EDARADD: variants seen among roughly 807,000 people sequenced by gnomAD.
EDARADD encodes EDAR associated via death domain.
Under a neutral mutation model 25.6 loss-of-function variants are expected in EDARADD, and 20 were observed. The observed-to-expected ratio is 0.78, with a 90% CI of 0.55 to 1.14. The LOEUF (loss-of-function observed/expected upper bound fraction) is 1.14. Among genes scored for constraint, EDARADD ranks in the 50% most tolerant of loss-of-function variants. The pLI is 0.00. For missense variants in EDARADD, 225 were observed against 270.1 expected, an observed-to-expected ratio of 0.83 and a Z score of 1.17; for synonymous variants, 86 against 94.4, an observed-to-expected ratio of 0.91 and a Z score of 0.52.
intron 4 of EDARADD, among the ~76,000 whole-genome samples, chr1:236,463,859 T>C (rs1365401841): frequency 6.6e-6 from 1 of 152,172 alleles, no homozygotes; most frequent in African/African-American, 2.4e-5. Context: ...AAATGGTGTC[T>C]TTTCATCATC....
intron 3 of EDARADD, among the ~76,000 whole-genome samples, chr1:236,368,972 A>T (rs879403381): frequency 1.1e-4 from 17 of 151,874 alleles, no homozygotes; most frequent in Non-Finnish European, 7.4e-5. Flanking sequence ...TTTAAAACAA[A>T]TTTTTAGAGA....
Position 236,405,815 on chromosome 1 carries a change from T to TC in EDARADD, c.62-3399dup, listed in dbSNP as rs1558112611. Among the ~76,000 whole-genome samples the TC allele has an allele frequency of 2.8e-4, 39 of 138,672 alleles. 1 individual carries two copies. The highest frequency in any genetic ancestry group is 1.1e-3 in the African/African-American group (36 of 33,914). 91.0% of individuals were successfully genotyped at this position (138,672 alleles called of 152,430 possible). A position where few individuals can be genotyped will look rare whatever the true frequency, so the allele number is the denominator to read the frequency against. ...TTTTCTTTTTCTTTCTTTCTTTCCT[T>TC]CCTTCCTTTCCTTCCTTCCTTCCTT... On this transcript the variant is annotated intron_variant, in intron 1 of 5. Transcript: ENST00000334232.
At chr1:236,464,980 T>G (rs1359298086) in intron 4 of EDARADD, among the ~76,000 whole-genome samples, 1 of 152,150 alleles carries the variant, frequency 6.6e-6, no homozygotes, top group Non-Finnish European at 1.5e-5. Context: ...CCTGGGGGCA[T>G]CTCAAGCTTG....
At position 236,414,146 on chromosome 1, in the gene EDARADD, A is replaced by G. The variant is rs1338443864; in HGVS notation, c.121-114A>G. 21 of 884,048 alleles carry G rather than the reference A, an allele frequency of 2.4e-5. No individual in the cohort carries two copies. In the East Asian group the frequency reaches 4.6e-4, roughly 19 times the overall value. The allele number at this position is 884,048 out of a possible 1,614,324, so 54.8% of individuals were successfully genotyped here. A position where few individuals can be genotyped will look rare whatever the true frequency, so the allele number is the denominator to read the frequency against. ...AAGGCCAGTTGATAAGTTTGAGGTT[A>G]AACATTTTCAAGTTTTTAATTGAAG... is the stretch of plus-strand genomic sequence containing the variant. On this transcript the variant is annotated intron_variant, in intron 2 of 5. Coordinates refer to ENST00000334232, the MANE Select transcript of EDARADD (RefSeq NM_145861.4).
intron 1 of EDARADD, among the ~76,000 whole-genome samples, chr1:236,394,834 C>G (rs1667485139): frequency 6.6e-6 from 1 of 152,146 alleles, no homozygotes; most frequent in Non-Finnish European, 1.5e-5. Flanking sequence ...TATAAAACCC[C>G]ACTTAAGCGT....
upstream of EDARADD, among the ~76,000 whole-genome samples, chr1:236,389,613 C>A (rs1352432001): frequency 6.6e-6 from 1 of 152,156 alleles, no homozygotes; most frequent in Non-Finnish European, 1.5e-5. Flanking sequence ...GCTTCTGTCC[C>A]TCTGTTGACA....
rs760445293 is a variant in EDARADD, at chr1:236,414,270, A to G, written c.131A>G (p.Tyr44Cys). Residue 44 changes from tyrosine (Y) to cysteine (C), a missense_variant, in exon 3 of 6, where the codon TAT becomes TGT. Transcript: ENST00000334232. The part of the protein sequence containing the change: ...STLSFNMSDK[Y>C]PIQDTELPKA... ...TGTTGGTTTCTACAGTCAGACAAAT[A>G]TCCCATTCAAGATACGGAACTCCCT... 3.1e-6 allele frequency: 5 copies of G among 1,610,610 alleles called. No homozygotes were observed. The Admixed American group carries it at 8.3e-5, about 27-fold the overall frequency.
chr1:236,437,032 T>C (rs1571934159), intron 4 of EDARADD, among the ~76,000 whole-genome samples: 1 of 152,216 alleles, frequency 6.6e-6, no homozygotes, highest in Non-Finnish European at 1.5e-5. Context: ...GGTCTCCAGA[T>C]ACAATGGTGA....
chr1:236,441,443 A>G (rs1313111103), intron 4 of EDARADD, among the ~76,000 whole-genome samples: 1 of 145,830 alleles, frequency 6.9e-6, no homozygotes, highest in Non-Finnish European at 1.5e-5. Flanking sequence ...TCTTCCAGGA[A>G]AGAAGTAAAA....
chr1:236,357,088 T>A (rs1490316072), intron 3 of EDARADD, among the ~76,000 whole-genome samples: 500 of 145,264 alleles, frequency 3.4e-3, no homozygotes, highest in African/African-American at 4.5e-3. Context: ...CTGTCTCAAA[T>A]AAAAAATAAA....
chr1:236,463,718 C>T (rs953697001), intron 4 of EDARADD, among the ~76,000 whole-genome samples: 9 of 152,300 alleles, frequency 5.9e-5, no homozygotes, highest in South Asian at 2.1e-4. Context: ...ACCCATTGAA[C>T]GGTAACTCCC....
intron 4 of EDARADD, among the ~76,000 whole-genome samples, chr1:236,452,006 A>G (rs1256303073): frequency 2.6e-5 from 4 of 152,100 alleles, no homozygotes; most frequent in Non-Finnish European, 2.9e-5. Flanking sequence ...CCCATGGAAA[A>G]CATGCCCCAC....
chr1:236,381,228 T>C (rs1667292213), intron 3 of EDARADD, among the ~76,000 whole-genome samples: 1 of 152,246 alleles, frequency 6.6e-6, no homozygotes, highest in Non-Finnish European at 1.5e-5. Context: ...TTGAGATTCA[T>C]TTGTGTTGTT....
intron 3 of EDARADD, among the ~76,000 whole-genome samples, chr1:236,363,154 C>T (rs1247776109): frequency 2.0e-5 from 3 of 148,834 alleles, no homozygotes; most frequent in Non-Finnish European, 3.0e-5. Flanking sequence ...AGGCATGAAC[C>T]ACTACACCTG....
chr1:236,437,222 G>C (rs1246745206), intron 4 of EDARADD, among the ~76,000 whole-genome samples: 2 of 152,098 alleles, frequency 1.3e-5, no homozygotes, highest in African/African-American at 2.4e-5. Flanking sequence ...ACACCTGATC[G>C]ACAGGTAAGC....
intron 5 of EDARADD, among the ~76,000 whole-genome samples, chr1:236,473,413 G>A (rs35071054): frequency 0.028 from 4,322 of 152,296 alleles, 119 homozygotes; most frequent in Non-Finnish European, 0.039. Context: ...TAGGACGGGC[G>A]TGGGCAGTGA....
At chr1:236,367,704 A>T (rs750537762) in intron 3 of EDARADD, among the ~76,000 whole-genome samples, 1 of 152,220 alleles carries the variant, frequency 6.6e-6, no homozygotes, top group Non-Finnish European at 1.5e-5. Flanking sequence ...ATTTGGGCTA[A>T]GATGTTTTGG....
intron 5 of EDARADD, among the ~76,000 whole-genome samples, chr1:236,475,235 C>G (rs367795765): frequency 6.6e-6 from 1 of 152,112 alleles, no homozygotes; most frequent in South Asian, 2.1e-4. Flanking sequence ...TGAAGTCTTT[C>G]TCTCCCCTCT....
At chr1:236,442,326 A>G (rs61427073) in intron 4 of EDARADD, among the ~76,000 whole-genome samples, 1,822 of 152,218 alleles carry the variant, frequency 0.012, 34 homozygotes, top group African/African-American at 0.04. Context: ...GGGTCTCACC[A>G]TGTTGGCCAG....
Sources: gnomAD v4.1 joint callset for allele counts (sites outside exome capture counted in the v4.1 genomes callset) on GRCh38, gnomAD v4.1.1 for gene constraint, MANE v1.5 for transcripts, NCBI Gene and HGNC (gene_info 2026-07-23, HGNC 2026-07-21) for gene names.